The following FXN variants were observed in gnomAD, a reference collection of about 807,000 sequenced individuals.
FXN encodes frataxin, mitochondrial.
In FXN, 14 loss-of-function variants were observed where a neutral mutation model predicts 22.4. That is an observed-to-expected ratio of 0.62 (90% CI 0.41 to 0.98). The LOEUF is 0.98. Ranked by LOEUF, FXN falls within the 50% of genes least tolerant of loss-of-function variation. The probability of loss-of-function intolerance (pLI) is 0.00; values close to 1 mark genes in which losing one functional copy is unlikely to be tolerated. For missense variants in FXN, 267 were observed against 268.4 expected (o/e 0.99, Z 0.04); for synonymous variants, 120 against 114.1 (o/e 1.05, Z -0.33).
chr9:69,043,283 G>A (rs1024995988), intron 1 of FXN, among the ~76,000 whole-genome samples: 4 of 152,176 alleles, frequency 2.6e-5, no homozygotes, highest in Admixed American at 1.3e-4. Context: ...TTATTTCTCT[G>A]TTAAAATTGT....
intron 3 of FXN, among the ~76,000 whole-genome samples, chr9:69,060,050 G>A (rs1046081639): frequency 3.3e-5 from 5 of 152,124 alleles, no homozygotes; most frequent in Non-Finnish European, 5.9e-5. Context: ...ACATGGGTAG[G>A]GCTGATCTTG....
chr9:69,069,025 A>G (rs1832223601), intron 4 of FXN, among the ~76,000 whole-genome samples: 1 of 152,258 alleles, frequency 6.6e-6, no homozygotes, highest in Non-Finnish European at 1.5e-5. Flanking sequence ...CAAACCGCAG[A>G]GCTGCCTGAC....
At chr9:69,044,656 G>A (rs558965282) in intron 1 of FXN, among the ~76,000 whole-genome samples, 6 of 152,178 alleles carry the variant, frequency 3.9e-5, no homozygotes, top group Admixed American at 2.0e-4. Context: ...GACCCAGGGC[G>A]CCCCCTCCTC....
At chr9:69,065,064 A>G in intron 4 of FXN, 29 bp downstream of exon 4, 1 of 1,533,796 alleles carries the variant, frequency 6.5e-7, no homozygotes. Flanking sequence ...AAGTCAACAT[A>G]TGTAATTCTT....
chr9:69,046,729 C>T (rs1051413711), intron 2 of FXN, among the ~76,000 whole-genome samples: 1 of 152,126 alleles, frequency 6.6e-6, no homozygotes, highest in South Asian at 2.1e-4. Context: ...TTATTTAATA[C>T]CCTAATAGTT....
At chr9:69,048,669 A>G (rs1398128253) in intron 2 of FXN, among the ~76,000 whole-genome samples, 1 of 152,016 alleles carries the variant, frequency 6.6e-6, no homozygotes, top group African/African-American at 2.4e-5. Flanking sequence ...GCAGCCTTTT[A>G]TCTCCAATGC....
At chr9:69,071,176 G>A (rs766807869) in intron 4 of FXN, 12 of 518,884 alleles carry the variant, frequency 2.3e-5, no homozygotes, top group East Asian at 5.4e-5. Flanking sequence ...CTGGCAACCC[G>A]ATAGCAGTAT....
At position 69,046,497 on chromosome 9, in the gene FXN, C is replaced by G. The variant is rs1293937175; in HGVS notation, c.263+15C>G. 4 of 1,561,354 alleles carry G rather than the reference C, an allele frequency of 2.6e-6. No individual in the cohort carries two copies. The South Asian group carries it at 4.5e-5, about 17-fold the overall frequency. ...GGCCACCCAGGGTAAGATAAAACAC[C>G]TTCCACGTCATAGGTATCTTCCTCT... On this transcript the variant is annotated intron_variant, in intron 2 of 4. Transcript: ENST00000484259.
intron 3 of FXN, among the ~76,000 whole-genome samples, chr9:69,057,097 T>G (rs1831974233): frequency 6.6e-6 from 1 of 152,142 alleles, no homozygotes; most frequent in Admixed American, 6.6e-5. Context: ...AAGGGCTAGT[T>G]TCTATTTAGC....
intron 4 of FXN, among the ~76,000 whole-genome samples, chr9:69,066,773 A>C (rs1172513930): frequency 2.6e-5 from 4 of 152,176 alleles, no homozygotes; most frequent in Non-Finnish European, 1.5e-5. Flanking sequence ...ACTGCCCAGC[A>C]ATACGCTCTA....
In FXN at chr9:69,075,289, C is replaced by A; in HGVS notation, c.*2527C>A. ...CCTGGCCAACATGGCAAAATCCCGT[C>A]TCTACTAAAAATATTAAAAAATTGG... is the stretch of plus-strand genomic sequence containing the variant. On this transcript the variant is annotated 3_prime_UTR_variant, in exon 5 of 5. Coordinates refer to ENST00000484259, the MANE Select transcript of FXN (RefSeq NM_000144.5). 6 of 662,562 alleles carry A rather than the reference C, an allele frequency of 9.1e-6. No individual in the cohort carries two copies. The highest frequency in any genetic ancestry group is 1.1e-5 in the Non-Finnish European group (6 of 535,592). The allele number at this position is 662,562 out of a possible 1,614,324, so 41.0% of individuals were successfully genotyped here.
At chr9:69,042,238 A>AG (rs1372011872) in intron 1 of FXN, among the ~76,000 whole-genome samples, 1 of 109,400 alleles carries the variant, frequency 9.1e-6, no homozygotes, top group African/African-American at 3.1e-5. Flanking sequence ...ACTCCGTCTC[A>AG]GAAAAAAAAA....
At chr9:69,068,443 T>C (rs1329256329) in intron 4 of FXN, among the ~76,000 whole-genome samples, 1 of 151,954 alleles carries the variant, frequency 6.6e-6, no homozygotes, top group African/African-American at 2.4e-5. Context: ...CCCCACAGGG[T>C]TCCGAGTGGT....
At position 69,053,507 on chromosome 9, in the gene FXN, G is replaced by GGATGGATGGATA. The variant is rs1191286626; in HGVS notation, c.384+250_384+251insGGATGGATAGAT. On this transcript the variant is annotated intron_variant, in intron 3 of 4. Transcript: ENST00000484259. ...TGGATGGATGGATGGATGGATGGAT[G>GGATGGATGGATA]GATAGATAGATAGATAGATAGATAG... Among the ~76,000 whole-genome samples the GGATGGATGGATA allele has an allele frequency of 1.4e-4, 21 of 150,774 alleles. No homozygotes were observed. The Middle Eastern group carries it at 0.014, about 99-fold the overall frequency.
chr9:69,067,083 C>G (rs1280593512), intron 4 of FXN, among the ~76,000 whole-genome samples: 1 of 152,214 alleles, frequency 6.6e-6, no homozygotes, highest in Non-Finnish European at 1.5e-5. Context: ...AGGACAAGCT[C>G]TCAGTGCTTC....
chr9:69,037,415 A>G (rs1344247188), intron 1 of FXN, among the ~76,000 whole-genome samples: 1 of 152,038 alleles, frequency 6.6e-6, no homozygotes, highest in Non-Finnish European at 1.5e-5. Flanking sequence ...GCATTAAGCC[A>G]AGATCGCCCA....
In FXN at chr9:69,070,946, T is replaced by TG. The variant is rs529180817; in HGVS notation, c.483-1663dup. Among the ~76,000 whole-genome samples, 237 of 152,294 alleles carry TG rather than the reference T, an allele frequency of 1.6e-3. 1 individual carries two copies. Among genetic ancestry groups the TG allele is most frequent in the African/African-American group, 5.5e-3 (229 of 41,556 alleles). ...TCAGCCTCCCAAAGTGCTGGGGTTA[T>TG]GGGTGTGAGCCACTGCAGCAGCCTG... On this transcript the variant is annotated intron_variant, in intron 4 of 4. Coordinates refer to ENST00000484259, the MANE Select transcript of FXN (RefSeq NM_000144.5).
intron 3 of FXN, among the ~76,000 whole-genome samples, chr9:69,059,503 G>A (rs1190915446): frequency 6.9e-6 from 1 of 145,728 alleles, no homozygotes; most frequent in Non-Finnish European, 1.5e-5. Flanking sequence ...GGGCTCAAGG[G>A]ATTCTCTTGC....
intron 1 of FXN, among the ~76,000 whole-genome samples, chr9:69,038,462 T>C (rs918612863): frequency 6.6e-6 from 1 of 152,188 alleles, no homozygotes; most frequent in Non-Finnish European, 1.5e-5. Flanking sequence ...AAAATCATTT[T>C]CAACAATATA....
Sources: allele counts gnomAD v4.1 joint callset (sites outside exome capture counted in the v4.1 genomes callset), GRCh38; gene constraint gnomAD v4.1.1; transcripts MANE v1.5; gene names NCBI Gene and HGNC (gene_info 2026-07-23, HGNC 2026-07-21).